PCDHGA1: variants seen among roughly 807,000 people sequenced by gnomAD.
PCDHGA1 encodes the protein protocadherin gamma subfamily A, 1, also known as protocadherin gamma-A1.
In PCDHGA1, 32 loss-of-function variants were observed where a neutral mutation model predicts 58.0. The observed-to-expected ratio is 0.55, with a 90% confidence interval of 0.42 to 0.74. The LOEUF is 0.74. Ranked by LOEUF, PCDHGA1 falls within the 30% of genes least tolerant of loss-of-function variation. PCDHGA1 has a pLI of 0.00. For missense variants in PCDHGA1, 1,205 were observed against 1,182.3 expected, an observed-to-expected ratio of 1.02 and a Z score of -0.28; for synonymous variants, 498 against 501.1, an observed-to-expected ratio of 0.99 and a Z score of 0.08.
chr5:141,505,118 C>T (rs544825360), intron 2 of PCDHGA1, among the ~76,000 whole-genome samples: 32 of 152,222 alleles, frequency 2.1e-4, no homozygotes, highest in African/African-American at 7.5e-4. Flanking sequence ...GCCAAGATCG[C>T]GCCACTGCAC....
intron 1 of PCDHGA1, among the ~76,000 whole-genome samples, chr5:141,457,827 C>T (rs1300495115): frequency 2.0e-5 from 3 of 152,204 alleles, no homozygotes; most frequent in Admixed American, 6.5e-5. Context: ...AAACTCAGAG[C>T]TTCCAGACCT....
chr5:141,481,401 CT>C (rs2099537157), intron 1 of PCDHGA1, among the ~76,000 whole-genome samples: 1 of 152,204 alleles, frequency 6.6e-6, no homozygotes, highest in African/African-American at 2.4e-5. Flanking sequence ...TGACAAAATT[CT>C]TGTATAATTA....
chr5:141,486,832 A>G lies in PCDHGA1; in HGVS notation c.2422-7975A>G. 2.5e-6 allele frequency: 4 copies of G among 1,614,182 alleles called. No individual in the cohort carries two copies. Among genetic ancestry groups the G allele is most frequent in the South Asian group, 1.1e-5 (1 of 91,082 alleles). ...TTAGCAGCACTGTAACAGTTCGTCT[A>G]TTTGTGCTGGACCTCAATGACAATG... On this transcript the variant is annotated intron_variant, in intron 1 of 3. Transcript: ENST00000517417. The surrounding 1 kb of genome is among the most constrained non-coding windows in gnomAD (Gnocchi z 5.0).
chr5:141,393,623 T>A (rs1446921809), intron 1 of PCDHGA1: 2 of 1,613,916 alleles, frequency 1.2e-6, no homozygotes, highest in African/African-American at 2.7e-5. Flanking sequence ...GCGACCCGGA[T>A]GAGGGAATCA....
intron 1 of PCDHGA1, chr5:141,384,214 T>C (rs1305082096): frequency 6.2e-6 from 10 of 1,613,756 alleles, no homozygotes; most frequent in South Asian, 1.1e-5. Flanking sequence ...AACTCACATA[T>C]TCATGCAGGT....
intron 1 of PCDHGA1, chr5:141,433,024 C>A: frequency 6.2e-7 from 1 of 1,614,168 alleles, no homozygotes; most frequent in African/African-American, 1.3e-5. Flanking sequence ...CCTATTCCCA[C>A]GAGGTTTCCC....
At chr5:141,394,913 C>G (rs1284631853) in intron 1 of PCDHGA1, 2 of 1,613,780 alleles carry the variant, frequency 1.2e-6, no homozygotes, top group South Asian at 2.2e-5. Flanking sequence ...TGGCTGCCAT[C>G]TCCTGTGTCT....
At chr5:141,389,755 T>G in intron 1 of PCDHGA1, 2 of 1,612,872 alleles carry the variant, frequency 1.2e-6, no homozygotes, top group Non-Finnish European at 1.7e-6. Flanking sequence ...ACGGGCGAAG[T>G]GCGCACAGCG....
Position 141,489,791 on chromosome 5 carries a change from C to G in PCDHGA1, c.2422-5016C>G. ...AGCCACTTCTCTCTGAATGTGAAGA[C>G]CCTAAAAGATGGGAAGCCATTCCCA... On this transcript the variant is annotated intron_variant, in intron 1 of 3. Transcript: ENST00000517417. The surrounding 1 kb of genome is among the most constrained non-coding windows in gnomAD (Gnocchi z 4.5). 2 of 1,614,174 alleles carry G rather than the reference C, an allele frequency of 1.2e-6. No individual in the cohort carries two copies. The highest frequency in any genetic ancestry group is 1.7e-6 in the Non-Finnish European group (2 of 1,180,002).
chr5:141,339,955 A>C, intron 1 of PCDHGA1: 1 of 1,614,176 alleles, frequency 6.2e-7, no homozygotes, highest in South Asian at 1.1e-5. Flanking sequence ...CGGGCCTTCT[A>C]ACCAGAGCGA....
chr5:141,448,896 G>C (rs560617459), intron 1 of PCDHGA1, among the ~76,000 whole-genome samples: 5 of 152,302 alleles, frequency 3.3e-5, no homozygotes, highest in African/African-American at 1.2e-4. Context: ...AGTGAGCCGA[G>C]ATCGTGCCAC....
Position 141,332,455 on chromosome 5 carries a change from G to A in PCDHGA1, c.1771G>A (p.Val591Met), listed in dbSNP as rs1283743425. 6.2e-7 allele frequency: 1 copy of A among 1,613,840 alleles called. No individual in the cohort carries two copies. Among genetic ancestry groups the A allele is most frequent in the Admixed American group, 1.7e-5 (1 of 60,030 alleles). Residue 591 changes from valine to methionine, a missense_variant, in exon 1 of 4, where the codon GTG (valine) becomes ATG (methionine). Val to Met is a conservative substitution (Grantham distance 21, BLOSUM62 1). Coordinates refer to ENST00000517417, the MANE Select transcript of PCDHGA1 (RefSeq NM_018912.3). The surrounding 1 kb of genome is among the most constrained non-coding windows in gnomAD (Gnocchi z 4.6). ...AGAGCCCGGCTACCTGGTGACCAAGGTGGTGGCGGTGGACAGAGACTCGGG... is the reference window on the plus strand; with the variant it reads ...AGAGCCCGGCTACCTGGTGACCAAGATGGTGGCGGTGGACAGAGACTCGGG... Reference protein sequence around the residue: ...SAEPGYLVTKVVAVDRDSGQN... With the variant: ...SAEPGYLVTKMVAVDRDSGQN...
intron 1 of PCDHGA1, chr5:141,364,990 G>C (rs1363998069): frequency 1.2e-6 from 2 of 1,613,862 alleles, no homozygotes; most frequent in Admixed American, 1.7e-5. Flanking sequence ...GCGGAGACCC[G>C]GTACTCTCCG....
intron 1 of PCDHGA1, among the ~76,000 whole-genome samples, chr5:141,348,329 G>A (rs753111578): frequency 4.6e-5 from 7 of 152,112 alleles, no homozygotes; most frequent in Non-Finnish European, 8.8e-5. Flanking sequence ...AATTTAAAAG[G>A]CCCATAGCCA....
In PCDHGA1 at chr5:141,334,804, G is replaced by GACCTAGTCA. The variant is rs1756534790; in HGVS notation, c.2421+1699_2421+1700insACCTAGTCA. Among the ~76,000 whole-genome samples the GACCTAGTCA allele has an allele frequency of 6.6e-6, 1 of 152,032 alleles. No individual in the cohort carries two copies. Among genetic ancestry groups the GACCTAGTCA allele is most frequent in the Non-Finnish European group, 1.5e-5 (1 of 68,020 alleles). Reference sequence around the variant, plus strand: ...AAGCGTCATTAAGAGACCTAGTTATGGCCTGGGACCTGAGGTCAGATAGAA... The same window carrying GACCTAGTCA: ...AAGCGTCATTAAGAGACCTAGTTATGACCTAGTCAGCCTGGGACCTGAGGTCAGATAGAA... On this transcript the variant is annotated intron_variant, in intron 1 of 3. Transcript: ENST00000517417. The surrounding 1 kb of genome is among the most constrained non-coding windows in gnomAD (Gnocchi z 4.6).
In PCDHGA1 at chr5:141,400,505, C is replaced by T. The variant is rs759107285; in HGVS notation, c.2421+67400C>T. The stretch of plus-strand genomic sequence containing the variant: ...TTTCCACTTTGTAATTCCAGCGAGT[C>T]GACTTCCCATCCTGAGTTGGTGAGT... On this transcript the variant is annotated intron_variant, in intron 1 of 3. Transcript: ENST00000517417. 9 of 1,613,816 alleles carry T rather than the reference C, an allele frequency of 5.6e-6. No homozygotes were observed. In the African/African-American group the frequency reaches 6.7e-5, roughly 12 times the overall value.
At chr5:141,355,153 T>A in intron 1 of PCDHGA1, 3 of 1,549,638 alleles carry the variant, frequency 1.9e-6, no homozygotes, top group Non-Finnish European at 2.6e-6. Context: ...TCCTCAGGCC[T>A]CGACAGAGGG....
chr5:141,490,584 T>G lies in PCDHGA1; in HGVS notation c.2422-4223T>G, dbSNP rs751060540. 1 of 1,614,170 alleles carries G rather than the reference T, an allele frequency of 6.2e-7. No individual in the cohort carries two copies. Among genetic ancestry groups the G allele is most frequent in the South Asian group, 1.1e-5 (1 of 91,080 alleles). ...TCAGGCTCAACATTTCAGATGTCAA[T>G]GACAATGCACCCCGCTTCAACCAGC... On this transcript the variant is annotated intron_variant, in intron 1 of 3. Transcript: ENST00000517417. This position sits in a 1 kb window ranked among gnomAD's most constrained non-coding sequence, Gnocchi z 5.4.
In PCDHGA1 at chr5:141,351,653, G is replaced by A. The variant is rs1425916218; in HGVS notation, c.2421+18548G>A. 3 of 1,613,996 alleles carry A rather than the reference G, an allele frequency of 1.9e-6. No homozygotes were observed. In the South Asian group the frequency reaches 3.3e-5, roughly 18 times the overall value. ...CGTGTCTGAGAACAACCCACCTGGC[G>A]CCTCCATTGCACAAGTAAGCGCCTC... On this transcript the variant is annotated intron_variant, in intron 1 of 3. Coordinates refer to ENST00000517417, the MANE Select transcript of PCDHGA1 (RefSeq NM_018912.3).
Sources: gnomAD v4.1 joint callset for allele counts (sites outside exome capture counted in the v4.1 genomes callset) on GRCh38, gnomAD v4.1.1 for gene constraint, Gnocchi (gnomAD v3.1) non-coding constraint, MANE v1.5 for transcripts, NCBI Gene and HGNC (gene_info 2026-07-23, HGNC 2026-07-21) for gene names.